The following MYOF variants were observed in gnomAD, a reference collection of about 807,000 sequenced individuals.
MYOF encodes the protein myoferlin.
A neutral mutation model predicts 284.2 loss-of-function variants in MYOF; 244 were observed. The ratio of observed to expected loss-of-function variants is 0.86; its 90% CI spans 0.77 to 0.95. The LOEUF is 0.95. MYOF is among the 40% of genes least tolerant of loss of function. The probability of loss-of-function intolerance (pLI) is 0.00; values close to 1 mark genes in which losing one functional copy is unlikely to be tolerated. For missense variants in MYOF, 2,496 were observed against 2,560.6 expected (o/e 0.97, Z 0.54); for synonymous variants, 904 against 919.7 (o/e 0.98, Z 0.31).
intron 38 of MYOF, among the ~76,000 whole-genome samples, chr10:93,342,729 G>C (rs1843980687): frequency 6.6e-6 from 1 of 152,214 alleles, no homozygotes; most frequent in Non-Finnish European, 1.5e-5. Context: ...CTGACGATGA[G>C]AGATGGCAAA....
At chr10:93,336,381 A>C (rs1843607824) in intron 40 of MYOF, among the ~76,000 whole-genome samples, 1 of 152,124 alleles carries the variant, frequency 6.6e-6, no homozygotes, top group Non-Finnish European at 1.5e-5. Context: ...ACACAATGGA[A>C]TACTACTCAG....
chr10:93,347,890 G>T, intron 36 of MYOF, 108 bp from the exon 37 acceptor site: 1 of 1,139,368 alleles, frequency 8.8e-7, no homozygotes, highest in Non-Finnish European at 1.2e-6. Context: ...ACAGCCCAGA[G>T]GACTCGCAAT....
chr10:93,453,874 G>C (rs1477417418), intron 2 of MYOF, among the ~76,000 whole-genome samples: 1 of 151,434 alleles, frequency 6.6e-6, no homozygotes, highest in Non-Finnish European at 1.5e-5. Context: ...GGCAGAGGAA[G>C]ACCCTGTCTC....
intron 3 of MYOF, among the ~76,000 whole-genome samples, chr10:93,439,538 G>T (rs2056180871): frequency 6.6e-6 from 1 of 152,150 alleles, no homozygotes; most frequent in Non-Finnish European, 1.5e-5. Context: ...AGATAAGGAG[G>T]GACAGCTTTG....
At chr10:93,331,224 A>C (rs1843283130) in intron 43 of MYOF, among the ~76,000 whole-genome samples, 1 of 152,140 alleles carries the variant, frequency 6.6e-6, no homozygotes, top group Non-Finnish European at 1.5e-5. Flanking sequence ...TTCCTTCCTG[A>C]ATTCCTGTTC....
intron 1 of MYOF, among the ~76,000 whole-genome samples, chr10:93,459,918 T>TG (rs551234678): frequency 1.2e-4 from 19 of 152,062 alleles, no homozygotes; most frequent in African/African-American, 3.6e-4. Context: ...AACCGGGGCT[T>TG]GGGGGGGTGG....
chr10:93,386,933 G>A (rs1846399490), intron 19 of MYOF, among the ~76,000 whole-genome samples: 1 of 152,092 alleles, frequency 6.6e-6, no homozygotes, highest in African/African-American at 2.4e-5. Flanking sequence ...ACGGGAGTTT[G>A]GGGGAGAGCA....
chr10:93,368,904 C>T (rs917559485), intron 25 of MYOF, among the ~76,000 whole-genome samples: 1 of 151,898 alleles, frequency 6.6e-6, no homozygotes, highest in Admixed American at 6.6e-5. Flanking sequence ...AGAGACCCAC[C>T]GAATACATCT....
chr10:93,374,691 C>G, intron 23 of MYOF, 72 bp downstream of exon 23: 2 of 1,457,324 alleles, frequency 1.4e-6, no homozygotes, highest in Non-Finnish European at 1.9e-6. Flanking sequence ...TTTCCACCAT[C>G]CTATTCTTGG....
At chr10:93,424,034 A>C (rs77151951) in intron 5 of MYOF, among the ~76,000 whole-genome samples, 2,921 of 152,256 alleles carry the variant, frequency 0.019, 77 homozygotes, top group African/African-American at 0.067. Context: ...GGCAACCAAC[A>C]GAAGCTGGGA....
intron 48 of MYOF, among the ~76,000 whole-genome samples, chr10:93,321,273 A>G (rs1469036965): frequency 6.6e-6 from 1 of 152,176 alleles, no homozygotes; most frequent in African/African-American, 2.4e-5. Flanking sequence ...AGAACCACAG[A>G]GATTGCAAAG....
chr10:93,311,677 G>C (rs924991299), intron 51 of MYOF, among the ~76,000 whole-genome samples: 4 of 151,730 alleles, frequency 2.6e-5, no homozygotes, highest in Non-Finnish European at 5.9e-5. Context: ...GACTTTCTAA[G>C]AGCCAGGAAA....
intron 29 of MYOF, among the ~76,000 whole-genome samples, chr10:93,359,180 A>G (rs1248644054): frequency 1.3e-5 from 2 of 152,188 alleles, no homozygotes; most frequent in Non-Finnish European, 2.9e-5. Context: ...CAGCTTTGTC[A>G]CTTACTAAAC....
At chr10:93,349,681 A>T in intron 36 of MYOF, 127 bp downstream of exon 36, 1 of 1,124,326 alleles carries the variant, frequency 8.9e-7, no homozygotes, top group Non-Finnish European at 1.2e-6. Context: ...TGACAAGCTG[A>T]ATATAAGGCA....
intron 5 of MYOF, among the ~76,000 whole-genome samples, chr10:93,424,593 G>C (rs1259436628): frequency 1.3e-5 from 2 of 152,246 alleles, no homozygotes; most frequent in Admixed American, 1.3e-4. Context: ...GCGATGGGCA[G>C]AGCATGCTGC....
In MYOF at chr10:93,354,663, T is replaced by TTCTCTCTCTCTCTCTC. The variant is rs1164929500; in HGVS notation, c.3404-776_3404-775insGAGAGAGAGAGAGAGA. Among the ~76,000 whole-genome samples, 278 of 60,204 alleles carry TTCTCTCTCTCTCTCTC rather than the reference T, an allele frequency of 4.6e-3. 1 individual carries two copies. The highest frequency in any genetic ancestry group is 0.014 in the African/African-American group (264 of 18,512). The allele number at this position is 60,204 out of a possible 152,430, so 39.5% of individuals were successfully genotyped here. On this transcript the variant is annotated intron_variant, in intron 31 of 53. Coordinates refer to ENST00000359263, the MANE Select transcript of MYOF (RefSeq NM_013451.4). ...TCTCTCTGTCTCTATCACTCACACA[T>TTCTCTCTCTCTCTCTC]TCACTCTCTCTCTCTCTCTCTCTCT...
chr10:93,349,905 A>G lies in MYOF; in HGVS notation c.3986T>C (p.Leu1329Pro), dbSNP rs1166308593. The G allele has an allele frequency of 1.9e-6, 3 of 1,614,182 alleles. No individual in the cohort carries two copies. Among genetic ancestry groups the G allele is most frequent in the Admixed American group, 3.3e-5 (2 of 60,026 alleles). Residue 1329 changes from leucine (L) to proline (P), a missense_variant, in exon 36 of 54, where the codon CTT becomes CCT. Around this residue, in one of 3 missense-constraint regions of MYOF, gnomAD observed 2,436 missense variants for 2,480.7 expected, o/e 0.98. Coordinates refer to ENST00000359263, the MANE Select transcript of MYOF (RefSeq NM_013451.4). ...FQMASITSPS[L>P]VVECGGERVE... ...CCTTTCTCCTCCACACTCCACAACA[A>G]GACTGGGGGATGTGATAGAAGCCAT...
chr10:93,406,666 G>A lies in MYOF; in HGVS notation c.729+2121C>T, dbSNP rs573019801. 2.6e-5 allele frequency among the ~76,000 whole-genome samples: 4 copies of A among 151,878 alleles called. No individual in the cohort carries two copies. In the South Asian group the frequency reaches 6.3e-4, roughly 24 times the overall value. ...TGCAGCCCCTACCTCTCATGAGAAT[G>A]TGTATACTACTGTACTTGGCTGCCT... On this transcript the variant is annotated intron_variant, in intron 7 of 53. Coordinates refer to ENST00000359263, the MANE Select transcript of MYOF (RefSeq NM_013451.4).
intron 29 of MYOF, among the ~76,000 whole-genome samples, chr10:93,357,248 GAAAAA>G (rs1036025875): frequency 6.6e-6 from 1 of 152,136 alleles, no homozygotes; most frequent in Non-Finnish European, 1.5e-5. Context: ...ACATATGTAG[GAAAAA>G]AATTAAATGC....
Sources: allele counts gnomAD v4.1 joint callset (sites outside exome capture counted in the v4.1 genomes callset), GRCh38; gene constraint gnomAD v4.1.1; regional missense constraint gnomAD v4.1.1; transcripts MANE v1.5; gene names NCBI Gene and HGNC (gene_info 2026-07-23, HGNC 2026-07-21).